NELL2: variants seen among roughly 807,000 people sequenced by gnomAD.
NELL2 encodes protein kinase C-binding protein NELL2.
A neutral mutation model predicts 109.6 loss-of-function variants in NELL2; 41 were observed. That is an observed-to-expected ratio of 0.37 (90% CI 0.29 to 0.49). NELL2 has a LOEUF of 0.49. Among genes scored for constraint, NELL2 ranks in the 20% least tolerant of loss-of-function variants. The pLI, the probability that NELL2 is intolerant of heterozygous loss-of-function variation, is 0.98. For synonymous variants in NELL2, 355 were observed against 344.7 expected, an observed-to-expected ratio of 1.03 and a Z score of -0.33; for missense variants, 900 against 1,008.3, an observed-to-expected ratio of 0.89 and a Z score of 1.45.
intron 13 of NELL2, among the ~76,000 whole-genome samples, chr12:44,645,873 T>C (rs1947076924): frequency 6.6e-6 from 1 of 152,126 alleles, no homozygotes; most frequent in Non-Finnish European, 1.5e-5. Context: ...ATCCAGTATA[T>C]TATAGTATAT....
At chr12:44,837,440 A>G (rs1944087848) in intron 2 of NELL2, among the ~76,000 whole-genome samples, 1 of 152,138 alleles carries the variant, frequency 6.6e-6, no homozygotes, top group South Asian at 2.1e-4. Context: ...AGAACCACTG[A>G]TTAGGTTTTC....
chr12:44,530,906 T>C (rs574680599), intron 16 of NELL2, among the ~76,000 whole-genome samples: 11 of 152,328 alleles, frequency 7.2e-5, no homozygotes, highest in South Asian at 4.1e-4. Context: ...CCCTGACCCA[T>C]AGCAAGTGTG....
At chr12:44,868,866 A>C (rs1287508037) in intron 2 of NELL2, among the ~76,000 whole-genome samples, 1 of 152,154 alleles carries the variant, frequency 6.6e-6, no homozygotes, top group Non-Finnish European at 1.5e-5. Flanking sequence ...CAAAATTTCA[A>C]ATAGATTTTA....
At chr12:44,720,074 A>G (rs1048287629) in intron 9 of NELL2, among the ~76,000 whole-genome samples, 2 of 152,184 alleles carry the variant, frequency 1.3e-5, no homozygotes, top group African/African-American at 4.8e-5. Context: ...ATTCTTAACA[A>G]TATGGTCATA....
At chr12:44,675,008 G>A (rs1948257909) in intron 12 of NELL2, among the ~76,000 whole-genome samples, 1 of 152,124 alleles carries the variant, frequency 6.6e-6, no homozygotes, top group African/African-American at 2.4e-5. Context: ...ATCTTTTTAT[G>A]GCTTTTCCTT....
chr12:44,640,634 G>C (rs1174136753), intron 13 of NELL2, among the ~76,000 whole-genome samples: 1 of 151,658 alleles, frequency 6.6e-6, no homozygotes, highest in Non-Finnish European at 1.5e-5. Context: ...ATAGCAACAA[G>C]GATTATTAGG....
intron 6 of NELL2, 35 bp downstream of exon 6, chr12:44,777,207 T>C (rs755428226): frequency 2.5e-6 from 4 of 1,607,968 alleles, no homozygotes; most frequent in Non-Finnish European, 3.4e-6. Flanking sequence ...AAGTAATATA[T>C]GGGGACTCCA....
In NELL2 at chr12:44,508,802, G is replaced by T; in HGVS notation, c.*132C>A. The T allele has an allele frequency of 4.1e-6, 3 of 731,396 alleles. No homozygotes were observed. The highest frequency in any genetic ancestry group is 2.9e-5 in the Admixed American group (1 of 34,798). 45.3% of individuals were successfully genotyped at this position (731,396 alleles called of 1,614,324 possible). A position where few individuals can be genotyped will look rare whatever the true frequency, so the allele number is the denominator to read the frequency against. ...GTCAAGCTCCACAAATTTCATAATT[G>T]AAAGTTCACTCAGCTATTAACAAAG... On this transcript the variant is annotated 3_prime_UTR_variant, in exon 20 of 20. Coordinates refer to ENST00000429094, the MANE Select transcript of NELL2 (RefSeq NM_001145108.2).
chr12:44,858,453 G>A (rs991190766), intron 2 of NELL2, among the ~76,000 whole-genome samples: 5 of 152,160 alleles, frequency 3.3e-5, no homozygotes, highest in East Asian at 1.9e-4. Flanking sequence ...TAGCAGAGGC[G>A]TCATCAAAAA....
At chr12:44,552,669 C>A (rs1449392499) in intron 15 of NELL2, among the ~76,000 whole-genome samples, 1 of 152,040 alleles carries the variant, frequency 6.6e-6, no homozygotes, top group Non-Finnish European at 1.5e-5. Flanking sequence ...AAAGCACATA[C>A]CAAACGATTT....
At chr12:44,703,991 A>G in intron 11 of NELL2, 137 bp from the exon 12 acceptor site, 1 of 697,200 alleles carries the variant, frequency 1.4e-6, no homozygotes, top group Non-Finnish European at 2.3e-6. Context: ...CAACATTTAC[A>G]GAAGAATCAC....
intron 13 of NELL2, among the ~76,000 whole-genome samples, chr12:44,636,787 G>A (rs1268678887): frequency 1.3e-5 from 2 of 152,100 alleles, no homozygotes; most frequent in African/African-American, 4.8e-5. Context: ...TCAGGATGAT[G>A]CTGGCCTCAT....
At chr12:44,615,525 GT>G (rs1945787389) in intron 13 of NELL2, among the ~76,000 whole-genome samples, 1 of 152,070 alleles carries the variant, frequency 6.6e-6, no homozygotes, top group Non-Finnish European at 1.5e-5. Context: ...AAATAGGGGA[GT>G]TGTGAATTAC....
rs76785545 is a variant in NELL2 at position 44,871,715 on chromosome 12, T to C, written c.184+3510A>G. On this transcript the variant is annotated intron_variant, in intron 2 of 19. Coordinates refer to ENST00000429094, the MANE Select transcript of NELL2 (RefSeq NM_001145108.2). ...AGTTACCTTTGCCTACTAAAGTCCA[T>C]GGTCTATTACCAAATGCCTATTTCA... is the stretch of plus-strand genomic sequence containing the variant. Among the ~76,000 whole-genome samples, 1,167 of 152,322 alleles carry C rather than the reference T, an allele frequency of 7.7e-3. 15 individuals are homozygous for C. The highest frequency in any genetic ancestry group is 0.026 in the African/African-American group (1,090 of 41,578).
intron 9 of NELL2, among the ~76,000 whole-genome samples, chr12:44,735,101 T>G (rs1307477698): frequency 1.3e-5 from 2 of 152,128 alleles, no homozygotes; most frequent in African/African-American, 4.8e-5. Flanking sequence ...TTTCTGAATG[T>G]TCACTTTACC....
rs78566142 is a variant in NELL2, at chr12:44,738,477, TA to T, written c.995-23737del. 2.6e-3 allele frequency among the ~76,000 whole-genome samples: 373 copies of T among 142,360 alleles called. 1 individual carries two copies. Among genetic ancestry groups the T allele is most frequent in the East Asian group, 9.5e-3 (47 of 4,952 alleles). The allele number at this position is 142,360 out of a possible 152,430, so 93.4% of individuals were successfully genotyped here. A position where few individuals can be genotyped will look rare whatever the true frequency, so the allele number is the denominator to read the frequency against. ...ACACACAATGGAATATTATTTATCT[TA>T]AAAAAAAAAAAAGAAAATCCTGTTT... On this transcript the variant is annotated intron_variant, in intron 9 of 19. Transcript: ENST00000429094.
At chr12:44,732,993 A>G (rs1268519187) in intron 9 of NELL2, among the ~76,000 whole-genome samples, 10 of 152,074 alleles carry the variant, frequency 6.6e-5, no homozygotes, top group Non-Finnish European at 1.5e-5. Context: ...CAAAACTGCA[A>G]TGCAACATCA....
At chr12:44,810,520 A>G (rs1943139947) in intron 3 of NELL2, among the ~76,000 whole-genome samples, 2 of 152,120 alleles carry the variant, frequency 1.3e-5, no homozygotes, top group African/African-American at 4.8e-5. Flanking sequence ...GTATGCAAAA[A>G]TAAAGGTTCA....
At chr12:44,760,749 C>T (rs1172649142) in intron 9 of NELL2, among the ~76,000 whole-genome samples, 1 of 151,600 alleles carries the variant, frequency 6.6e-6, no homozygotes, top group African/African-American at 2.4e-5. Context: ...AAAATAAATC[C>T]CAGGTTGTTT....
Sources: gnomAD v4.1 joint callset for allele counts (sites outside exome capture counted in the v4.1 genomes callset) on GRCh38, gnomAD v4.1.1 for gene constraint, MANE v1.5 for transcripts, NCBI Gene and HGNC (gene_info 2026-07-23, HGNC 2026-07-21) for gene names.